The following OPCML variants were observed in gnomAD, a reference collection of about 807,000 sequenced individuals.
The protein encoded by OPCML is opioid binding protein/cell adhesion molecule like, also known as opioid-binding protein/cell adhesion molecule.
In OPCML, 13 loss-of-function variants were observed where a neutral mutation model predicts 37.8. That is an observed-to-expected ratio of 0.34 (90% CI 0.22 to 0.55). The LOEUF is 0.55. Among genes scored for constraint, OPCML ranks in the 20% least tolerant of loss-of-function variants. The pLI is 0.91. For missense variants in OPCML, 341 were observed against 435.6 expected (o/e 0.78, Z 1.93); for synonymous variants, 176 against 168.8 (o/e 1.04, Z -0.33).
chr11:132,996,779 C>T (rs1946896807), intron 1 of OPCML, among the ~76,000 whole-genome samples: 1 of 152,132 alleles, frequency 6.6e-6, no homozygotes, highest in Non-Finnish European at 1.5e-5. Context: ...TTGTTGGCAC[C>T]TCTAAGGCCA....
At chr11:132,964,287 G>T (rs562468313) in intron 1 of OPCML, among the ~76,000 whole-genome samples, 2 of 152,344 alleles carry the variant, frequency 1.3e-5, no homozygotes, top group East Asian at 3.9e-4. Flanking sequence ...CCAGTTACAA[G>T]CCTGGTGTGC....
chr11:132,798,018 T>C (rs1025053586), intron 2 of OPCML, among the ~76,000 whole-genome samples: 1 of 152,238 alleles, frequency 6.6e-6, no homozygotes, highest in African/African-American at 2.4e-5. Context: ...ACTTTCAAAA[T>C]TGGAGTCAGT....
chr11:133,141,558 A>C (rs1949824067), intron 1 of OPCML, among the ~76,000 whole-genome samples: 1 of 152,106 alleles, frequency 6.6e-6, no homozygotes, highest in African/African-American at 2.4e-5. Context: ...ACGGCAGTTC[A>C]TAACTGTCGC....
chr11:132,701,796 G>GT (rs1320717726), intron 2 of OPCML, among the ~76,000 whole-genome samples: 7 of 133,744 alleles, frequency 5.2e-5, no homozygotes, highest in South Asian at 5.0e-4. Context: ...GTGTGTGTGT[G>GT]GTGGTGGTGG....
At chr11:133,038,063 C>A (rs1174251443) in intron 1 of OPCML, among the ~76,000 whole-genome samples, 1 of 152,220 alleles carries the variant, frequency 6.6e-6, no homozygotes, top group Non-Finnish European at 1.5e-5. Flanking sequence ...TTTTAGAGAC[C>A]TTTCCACTCT....
chr11:133,141,048 C>CGACGACGAAGAAGAAGAAGAA (rs1949809660), intron 1 of OPCML, among the ~76,000 whole-genome samples: 1 of 5,776 alleles, frequency 1.7e-4, no homozygotes, highest in African/African-American at 3.2e-4. Context: ...ACGACGACGA[C>CGACGACGAAGAAGAAGAAGAA]GAAGAAGAAG....
chr11:132,477,023 T>C (rs1255231866), intron 4 of OPCML, among the ~76,000 whole-genome samples: 1 of 152,136 alleles, frequency 6.6e-6, no homozygotes, highest in African/African-American at 2.4e-5. Context: ...ATAGGTAAAT[T>C]GACCACTTAT....
chr11:133,309,389 A>G (rs1012182030), intron 1 of OPCML, among the ~76,000 whole-genome samples: 8 of 152,178 alleles, frequency 5.3e-5, no homozygotes, highest in South Asian at 2.1e-4. Context: ...TTAAATCCCA[A>G]TTGTGGAATA....
At chr11:132,426,965 G>A (rs944106959) in intron 7 of OPCML, among the ~76,000 whole-genome samples, 2 of 152,124 alleles carry the variant, frequency 1.3e-5, no homozygotes, top group African/African-American at 4.8e-5. Context: ...CTGAGATCCT[G>A]CCTCATGAGA....
intron 1 of OPCML, among the ~76,000 whole-genome samples, chr11:133,509,982 T>A (rs183713021): frequency 6.6e-6 from 1 of 152,302 alleles, no homozygotes. Flanking sequence ...GTGCTCTGAC[T>A]ACTGGAAAAG....
intron 3 of OPCML, among the ~76,000 whole-genome samples, chr11:132,601,852 A>G (rs1442279871): frequency 6.6e-6 from 1 of 152,212 alleles, no homozygotes; most frequent in African/African-American, 2.4e-5. Context: ...ACAAAAAGGA[A>G]AACTATAAGA....
chr11:133,141,095 G>GAAGAAGAAGAAGAAGAAGAAGAAGAAGA lies in OPCML; in HGVS notation c.62-198086_62-198085insTCTTCTTCTTCTTCTTCTTCTTCTTCTT, dbSNP rs1565469375. On this transcript the variant is annotated intron_variant, in intron 1 of 7. Transcript: ENST00000524381. ...GAAGAAGAAGAAGAAGAAGAAGAAG[G>GAAGAAGAAGAAGAAGAAGAAGAAGAAGA]AGAAGAAGAAGCAGCTGAATGCCAA... Among the ~76,000 whole-genome samples, 41 of 12,926 alleles carry GAAGAAGAAGAAGAAGAAGAAGAAGAAGA rather than the reference G, an allele frequency of 3.2e-3. 19 individuals carry two copies. Among genetic ancestry groups the GAAGAAGAAGAAGAAGAAGAAGAAGAAGA allele is most frequent in the Non-Finnish European group, 4.1e-3 (12 of 2,934 alleles). 8.5% of individuals were successfully genotyped at this position (12,926 alleles called of 152,430 possible). A position where few individuals can be genotyped will look rare whatever the true frequency, so the allele number is the denominator to read the frequency against.
intron 4 of OPCML, among the ~76,000 whole-genome samples, chr11:132,495,012 T>C (rs1203778118): frequency 7.2e-6 from 1 of 138,398 alleles, no homozygotes; most frequent in Non-Finnish European, 1.5e-5. Flanking sequence ...CAATTGTGGA[T>C]GACTTTTTTT....
chr11:132,744,446 T>A (rs1271731643), intron 2 of OPCML, among the ~76,000 whole-genome samples: 4 of 152,212 alleles, frequency 2.6e-5, no homozygotes, highest in Non-Finnish European at 5.9e-5. Context: ...AGCGCTTTCC[T>A]GAGGATATGG....
At chr11:132,792,919 C>T (rs1345690085) in intron 2 of OPCML, among the ~76,000 whole-genome samples, 2 of 152,200 alleles carry the variant, frequency 1.3e-5, no homozygotes, top group African/African-American at 2.4e-5. Flanking sequence ...TTCTGATAAG[C>T]ATGACGGAGC....
At chr11:133,157,014 G>T (rs1950071475) in intron 1 of OPCML, among the ~76,000 whole-genome samples, 1 of 151,860 alleles carries the variant, frequency 6.6e-6, no homozygotes, top group Non-Finnish European at 1.5e-5. Flanking sequence ...CTTAAGAAAT[G>T]CATCCTTACA....
intron 3 of OPCML, among the ~76,000 whole-genome samples, chr11:132,593,255 C>T (rs1269720234): frequency 6.6e-6 from 1 of 152,012 alleles, no homozygotes; most frequent in African/African-American, 2.4e-5. Flanking sequence ...CCAGAACCAG[C>T]AAGGATGTCG....
chr11:132,893,132 G>A (rs941549952), intron 2 of OPCML, among the ~76,000 whole-genome samples: 5 of 151,934 alleles, frequency 3.3e-5, no homozygotes, highest in East Asian at 1.9e-4. Flanking sequence ...TAGACCCTTC[G>A]TTGTCACAGA....
chr11:133,125,726 GTATATATAGTA>G (rs1473445750), intron 1 of OPCML, among the ~76,000 whole-genome samples: 557 of 37,436 alleles, frequency 0.015, 6 homozygotes, highest in African/African-American at 0.044. Flanking sequence ...TATGTATATA[GTATATATAGTA>G]TATATATAGT....
Sources: allele counts gnomAD v4.1 joint callset (sites outside exome capture counted in the v4.1 genomes callset), GRCh38; gene constraint gnomAD v4.1.1; transcripts MANE v1.5; gene names NCBI Gene and HGNC (gene_info 2026-07-23, HGNC 2026-07-21).